The following UMODL1 variants were observed in gnomAD, a reference collection of about 807,000 sequenced individuals.
The protein encoded by UMODL1 is uromodulin-like 1.
In UMODL1, 128 loss-of-function variants were observed where a neutral mutation model predicts 136.3. The ratio of observed to expected loss-of-function variants is 0.94; its 90% confidence interval spans 0.81 to 1.09. The LOEUF (loss-of-function observed/expected upper bound fraction) is 1.09, where lower values mean the gene tolerates loss of function less well. Among genes scored for constraint, UMODL1 ranks in the 50% least tolerant of loss-of-function variants. The pLI is 0.00. For synonymous variants in UMODL1, 721 were observed against 720.0 expected, an observed-to-expected ratio of 1.00 and a Z score of -0.02; for missense variants, 1,766 against 1,725.6, an observed-to-expected ratio of 1.02 and a Z score of -0.41.
rs757646299 is a variant in UMODL1, at chr21:42,099,054, A to C, written c.1060A>C (p.Arg354=). The C allele has an allele frequency of 2.9e-5, 47 of 1,614,080 alleles. No individual in the cohort carries two copies. Among genetic ancestry groups the C allele is most frequent in the Non-Finnish European group, 3.6e-5 (43 of 1,180,050 alleles). Residue 354 remains arginine (R), a synonymous_variant, in exon 7 of 23, where the codon AGG becomes CGG. Transcript: ENST00000408910. The surrounding 1 kb of genome is among the most constrained non-coding windows in gnomAD (Gnocchi z 4.1). ...GGTTTACCGGGGTATGGAGTTGCTCAGGAGCGCCAGGACACAGAGCCAGGC... is the reference window on the plus strand; with the variant it reads ...GGTTTACCGGGGTATGGAGTTGCTCCGGAGCGCCAGGACACAGAGCCAGGC... ...VRVYRGMELL[R]SARTQSQALA...
At chr21:42,082,224 G>A (rs569448265) in intron 2 of UMODL1, among the ~76,000 whole-genome samples, 61 of 152,336 alleles carry the variant, frequency 4.0e-4, no homozygotes, top group African/African-American at 1.4e-3. Context: ...GGTCCCAGCA[G>A]AAGCCAGGGC....
At chr21:42,127,331 T>G (rs960339562) in intron 19 of UMODL1, 89 bp downstream of exon 19, 35 of 1,222,442 alleles carry the variant, frequency 2.9e-5, no homozygotes, top group Non-Finnish European at 4.1e-5. Flanking sequence ...GACATCCCCA[T>G]CCAGCAATGC....
At chr21:42,111,343 C>A in intron 11 of UMODL1, 163 bp from the exon 12 acceptor site, 1 of 1,606,682 alleles carries the variant, frequency 6.2e-7, no homozygotes, top group Non-Finnish European at 8.5e-7. Flanking sequence ...GCCAGGGGAG[C>A]CCCAGCCAGG....
upstream of UMODL1, among the ~76,000 whole-genome samples, chr21:42,070,378 G>T (rs150830845): frequency 1.3e-3 from 203 of 152,352 alleles, 5 homozygotes; most frequent in East Asian, 0.031. Context: ...GAGCTAGAAA[G>T]AACTTAACAT....
chr21:42,116,340 T>G lies in UMODL1; in HGVS notation c.2475+355T>G, dbSNP rs141563501. On this transcript the variant is annotated intron_variant, in intron 14 of 22. Coordinates refer to ENST00000408910, the MANE Select transcript of UMODL1 (RefSeq NM_001004416.3). The stretch of plus-strand genomic sequence containing the variant: ...CTGCACTCTAGCCTGGACAACAGAG[T>G]GAAACCCTGTGGGAAAAAAAAAAAA... Among the ~76,000 whole-genome samples, 7 of 147,438 alleles carry G rather than the reference T, an allele frequency of 4.7e-5. No homozygotes were observed. The East Asian group carries it at 1.4e-3, about 29-fold the overall frequency.
intron 5 of UMODL1, among the ~76,000 whole-genome samples, chr21:42,089,705 G>C (rs933049420): frequency 6.6e-6 from 1 of 152,216 alleles, no homozygotes; most frequent in Admixed American, 6.5e-5. Context: ...AAAGAGATGG[G>C]AACAATTGCA....
chr21:42,064,430 G>C (rs557384363), intron 1 of UMODL1, among the ~76,000 whole-genome samples: 1 of 152,222 alleles, frequency 6.6e-6, no homozygotes, highest in Non-Finnish European at 1.5e-5. Context: ...ACGTTGGCAC[G>C]GGAACTACAC....
At chr21:42,114,914 C>A (rs1054871210) in intron 13 of UMODL1, among the ~76,000 whole-genome samples, 5 of 152,220 alleles carry the variant, frequency 3.3e-5, no homozygotes, top group African/African-American at 4.8e-5. Context: ...CACCTGTGCA[C>A]CTGTCCTGCT....
rs2066970347 is a variant in UMODL1, at chr21:42,121,373, G to A, written c.2827+149G>A. On this transcript the variant is annotated intron_variant, in intron 16 of 22. Coordinates refer to ENST00000408910, the MANE Select transcript of UMODL1 (RefSeq NM_001004416.3). Reference sequence around the variant, plus strand: ...CTGTGTGTGATGTGGGTGCACGTGTGTGTGTGTGTGTGTGATGTATGTGTA... The same window carrying A: ...CTGTGTGTGATGTGGGTGCACGTGTATGTGTGTGTGTGTGATGTATGTGTA... 4 of 785,870 alleles carry A rather than the reference G, an allele frequency of 5.1e-6. No individual in the cohort carries two copies. The South Asian group carries it at 7.2e-5, about 14-fold the overall frequency. 48.7% of individuals were successfully genotyped at this position (785,870 alleles called of 1,614,324 possible). A position where few individuals can be genotyped will look rare whatever the true frequency, so the allele number is the denominator to read the frequency against.
At chr21:42,063,408 CT>C (rs1290525467) in intron 1 of UMODL1, among the ~76,000 whole-genome samples, 1 of 152,232 alleles carries the variant, frequency 6.6e-6, no homozygotes, top group African/African-American at 2.4e-5. Context: ...GGAGTCCCCC[CT>C]GGTGTCCCCC....
At chr21:42,100,863 G>A (rs1159050198) in intron 7 of UMODL1, among the ~76,000 whole-genome samples, 5 of 34,918 alleles carry the variant, frequency 1.4e-4, no homozygotes, top group Admixed American at 3.0e-4. Flanking sequence ...CACCAACCCC[G>A]TGCCCTCCTC....
chr21:42,079,019 G>A (rs942244525), intron 2 of UMODL1, among the ~76,000 whole-genome samples: 21 of 152,220 alleles, frequency 1.4e-4, no homozygotes, highest in African/African-American at 4.8e-4. Flanking sequence ...ACGGCAACTC[G>A]GTTTAGAGCA....
At chr21:42,091,182 A>C (rs1013381193) in intron 6 of UMODL1, among the ~76,000 whole-genome samples, 2 of 152,214 alleles carry the variant, frequency 1.3e-5, no homozygotes, top group African/African-American at 4.8e-5. Context: ...GGTGCTGGTA[A>C]TGGAAGCATG....
intron 2 of UMODL1, among the ~76,000 whole-genome samples, chr21:42,082,842 A>G (rs1202546502): frequency 6.6e-6 from 1 of 152,040 alleles, no homozygotes; most frequent in Non-Finnish European, 1.5e-5. Flanking sequence ...TGGAGCCCTG[A>G]GCATCAGCCT....
upstream of UMODL1, chr21:42,071,291 C>T (rs1313388064): frequency 3.2e-6 from 5 of 1,539,624 alleles, no homozygotes; most frequent in Non-Finnish European, 4.4e-6. Context: ...AGGCCCAGAG[C>T]CCTGTACTGC....
chr21:42,088,605 C>A, intron 5 of UMODL1, 125 bp downstream of exon 5: 1 of 1,008,114 alleles, frequency 9.9e-7, no homozygotes, highest in Non-Finnish European at 1.4e-6. Flanking sequence ...AGTTCAGGAG[C>A]AAAAGAATAA....
chr21:42,111,697 GA>G lies in UMODL1; in HGVS notation c.2092del (p.Thr698ProfsTer17). 1.2e-6 allele frequency: 2 copies of G among 1,611,302 alleles called. No homozygotes were observed. Among genetic ancestry groups the G allele is most frequent in the Non-Finnish European group, 1.7e-6 (2 of 1,178,380 alleles). ...PLTSTLTALK[T>X]PACVPVSIGR... The stretch of plus-strand genomic sequence containing the variant: ...TGACCTCCACCCTCACAGCTCTGAA[GA>G]CCCCCGCCTGTGGTGAGTTCCTCGA... On this transcript the variant is annotated frameshift_variant, in exon 12 of 23. Coordinates refer to ENST00000408910, the MANE Select transcript of UMODL1 (RefSeq NM_001004416.3). LOFTEE classifies it high-confidence loss of function.
intron 1 of UMODL1, among the ~76,000 whole-genome samples, chr21:42,074,877 A>G (rs2066269770): frequency 6.6e-6 from 1 of 151,256 alleles, no homozygotes; most frequent in Non-Finnish European, 1.5e-5. Flanking sequence ...GGCACCAGCC[A>G]CCACAATTTT....
In UMODL1 at chr21:42,085,477, A is replaced by G. The variant is rs770613467; in HGVS notation, c.603+65A>G. On this transcript the variant is annotated intron_variant, in intron 4 of 22. Transcript: ENST00000408910. This position sits in a 1 kb window ranked among gnomAD's most constrained non-coding sequence, Gnocchi z 4.5. The stretch of plus-strand genomic sequence containing the variant: ...GGCAGCTGCTCAGGCAGACCCAGGT[A>G]TGGGGCCGTGGAAGGGACCTGGGGG... 1.2e-6 allele frequency: 2 copies of G among 1,610,040 alleles called. No individual in the cohort carries two copies. Among genetic ancestry groups the G allele is most frequent in the South Asian group, 2.2e-5 (2 of 90,876 alleles).
Sources: allele counts gnomAD v4.1 joint callset (sites outside exome capture counted in the v4.1 genomes callset), GRCh38; gene constraint gnomAD v4.1.1; non-coding constraint Gnocchi (gnomAD v3.1); transcripts MANE v1.5; gene names NCBI Gene and HGNC (gene_info 2026-07-23, HGNC 2026-07-21).